PAX8: variants seen among roughly 807,000 people sequenced by gnomAD.
PAX8 encodes the protein paired box protein Pax-8.
In PAX8, 15 loss-of-function variants were observed where a neutral mutation model predicts 52.4. The observed-to-expected ratio is 0.29, with a 90% CI of 0.19 to 0.44. PAX8 has a LOEUF of 0.44. Among genes scored for constraint, PAX8 ranks in the 20% least tolerant of loss-of-function variants. The pLI is 1.00. For missense variants in PAX8, 554 were observed against 602.5 expected (o/e 0.92, Z 0.84); for synonymous variants, 284 against 249.7 (o/e 1.14, Z -1.29).
At chr2:113,276,756 G>T (rs1693847313) in intron 2 of PAX8, among the ~76,000 whole-genome samples, 1 of 152,078 alleles carries the variant, frequency 6.6e-6, no homozygotes, top group African/African-American at 2.4e-5. Context: ...CAGTGAATTT[G>T]ATTTCCGAGA....
intron 7 of PAX8, chr2:113,239,536 G>A (rs939077422): frequency 2.6e-5 from 4 of 152,254 alleles, no homozygotes; most frequent in Admixed American, 2.6e-4. Flanking sequence ...CCAGAGGTAG[G>A]AAAAGCAAAG....
chr2:113,253,144 A>G (rs1456067904), intron 2 of PAX8, among the ~76,000 whole-genome samples: 1 of 152,070 alleles, frequency 6.6e-6, no homozygotes, highest in Non-Finnish European at 1.5e-5. Flanking sequence ...TTATACCTTC[A>G]GTCTAGGCTT....
intron 10 of PAX8, among the ~76,000 whole-genome samples, chr2:113,224,245 A>G (rs1030447573): frequency 6.6e-6 from 1 of 152,118 alleles, no homozygotes; most frequent in Non-Finnish European, 1.5e-5. Context: ...AAGACAGATG[A>G]ATTAAAAGAT....
intron 2 of PAX8, among the ~76,000 whole-genome samples, chr2:113,247,381 G>A (rs1486344876): frequency 6.6e-6 from 1 of 152,156 alleles, no homozygotes; most frequent in African/African-American, 2.4e-5. Flanking sequence ...TCTCCTCATG[G>A]AACCAGATTT....
chr2:113,252,970 C>T (rs1558733555), intron 2 of PAX8, among the ~76,000 whole-genome samples: 1 of 152,228 alleles, frequency 6.6e-6, no homozygotes, highest in Non-Finnish European at 1.5e-5. Flanking sequence ...AGCAGCTATA[C>T]TTGCAGCCCA....
rs11898670 is a variant in PAX8 at position 113,236,933 on chromosome 2, A to G, written c.778-212T>C. On this transcript the variant is annotated intron_variant, in intron 7 of 11. Transcript: ENST00000429538. The stretch of plus-strand genomic sequence containing the variant: ...TCCCTGGAATTCAAGGCCAGCTGGT[A>G]GCATGGGTGCCCAGACGTGGGATAG... The G allele has an allele frequency of 0.99, 598,584 of 603,214 alleles. 297,154 individuals are homozygous for G. The highest frequency in any genetic ancestry group is 1 in the East Asian group (34,434 of 34,434). The allele number at this position is 603,214 out of a possible 1,614,324, so 37.4% of individuals were successfully genotyped here.
In PAX8 at chr2:113,218,248, G is replaced by A; in HGVS notation, c.*285C>T. On this transcript the variant is annotated 3_prime_UTR_variant, in exon 12 of 12. Transcript: ENST00000429538. ...TTCTCTCCTTTGGTGGGTACCGGCT[G>A]GGGGCTACATTTCTTCTTCAATTTT... 1 of 359,150 alleles carries A rather than the reference G, an allele frequency of 2.8e-6. No individual in the cohort carries two copies. Among genetic ancestry groups the A allele is most frequent in the Admixed American group, 4.6e-5 (1 of 21,802 alleles). The allele number at this position is 359,150 out of a possible 1,614,324, so 22.2% of individuals were successfully genotyped here.
At chr2:113,224,437 G>A (rs554028538) in intron 10 of PAX8, among the ~76,000 whole-genome samples, 1 of 151,682 alleles carries the variant, frequency 6.6e-6, no homozygotes, top group South Asian at 2.1e-4. Flanking sequence ...GTGACAGCTA[G>A]TGGGGAGGCT....
Position 113,278,421 on chromosome 2 carries a change from G to C in PAX8, c.-27C>G, listed in dbSNP as rs555888631. The C allele has an allele frequency of 6.2e-7, 1 of 1,610,392 alleles. No individual in the cohort carries two copies. Among genetic ancestry groups the C allele is most frequent in the African/African-American group, 1.3e-5 (1 of 75,004 alleles). On this transcript the variant is annotated 5_prime_UTR_variant, in exon 2 of 12. Transcript: ENST00000429538. ...GCCGGGGAGTCGCTCGCAGCCCGCC[G>C]AGGGCTCGGGGCTTCCTCCCGTAGG...
At chr2:113,256,843 T>C (rs1464037116) in intron 2 of PAX8, among the ~76,000 whole-genome samples, 5 of 152,162 alleles carry the variant, frequency 3.3e-5, no homozygotes, top group Admixed American at 6.5e-5. Context: ...CTGTCACTTC[T>C]TTCTGTCTTT....
At chr2:113,224,221 G>T (rs1010023450) in intron 10 of PAX8, among the ~76,000 whole-genome samples, 1 of 152,062 alleles carries the variant, frequency 6.6e-6, no homozygotes, top group Non-Finnish European at 1.5e-5. Flanking sequence ...AAAGATGGAT[G>T]ATAGATAACT....
chr2:113,267,930 C>G (rs1294665732), intron 2 of PAX8: 1 of 152,162 alleles, frequency 6.6e-6, no homozygotes, highest in African/African-American at 2.4e-5. Context: ...CATATGGATA[C>G]AGGGGACTAG....
At chr2:113,262,082 G>A (rs770527254) in intron 2 of PAX8, among the ~76,000 whole-genome samples, 5 of 152,078 alleles carry the variant, frequency 3.3e-5, no homozygotes, top group Non-Finnish European at 7.4e-5. Context: ...CACCTGCCTC[G>A]GCCTCCCAAA....
At chr2:113,245,653 C>T (rs1241240610) in intron 3 of PAX8, among the ~76,000 whole-genome samples, 3 of 152,100 alleles carry the variant, frequency 2.0e-5, no homozygotes, top group Non-Finnish European at 2.9e-5. Context: ...GCAGATCAAC[C>T]GCCTGTGTCA....
intron 7 of PAX8, 153 bp from the exon 8 acceptor site, chr2:113,236,874 G>T (rs577459577): frequency 1.7e-4 from 145 of 876,968 alleles, no homozygotes; most frequent in Non-Finnish European, 2.3e-4. Context: ...AACTCCACTC[G>T]GCACGTTTCG....
At position 113,216,614 on chromosome 2, in the gene PAX8, A is replaced by G. The variant is rs1689037571; in HGVS notation, c.*1919T>C. On this transcript the variant is annotated 3_prime_UTR_variant, in exon 12 of 12. Transcript: ENST00000429538. ...CAGATTTCCTGGAGGTGGTTGGCCT[A>G]AAGTGCTAAGTCTCTACAGCCTCCC... is the stretch of plus-strand genomic sequence containing the variant. The G allele has an allele frequency of 4.4e-6, 1 of 228,618 alleles. No individual in the cohort carries two copies. Among genetic ancestry groups the G allele is most frequent in the Non-Finnish European group, 8.7e-6 (1 of 115,222 alleles). 14.2% of individuals were successfully genotyped at this position (228,618 alleles called of 1,614,324 possible).
intron 10 of PAX8, among the ~76,000 whole-genome samples, chr2:113,221,737 G>C (rs1689283040): frequency 6.6e-6 from 1 of 152,176 alleles, no homozygotes; most frequent in East Asian, 1.9e-4. Context: ...GTTGGGGTTA[G>C]TGGGAGCTGC....
intron 2 of PAX8, among the ~76,000 whole-genome samples, chr2:113,248,490 C>G (rs985326256): frequency 6.6e-6 from 1 of 152,198 alleles, no homozygotes; most frequent in African/African-American, 2.4e-5. Flanking sequence ...GAAGAGCCAA[C>G]CCCAGCCTTC....
At chr2:113,273,325 C>G (rs1693590277) in intron 2 of PAX8, 3 of 152,234 alleles carry the variant, frequency 2.0e-5, no homozygotes, top group African/African-American at 7.2e-5. Flanking sequence ...CTAGCTGTGC[C>G]CCAGAAGAGC....
Sources: gnomAD v4.1 joint callset for allele counts (sites outside exome capture counted in the v4.1 genomes callset) on GRCh38, gnomAD v4.1.1 for gene constraint, MANE v1.5 for transcripts, NCBI Gene and HGNC (gene_info 2026-07-23, HGNC 2026-07-21) for gene names.